Variants in MAP4K1 observed in about 807,000 individuals in gnomAD.
The protein encoded by MAP4K1 is mitogen-activated protein kinase kinase kinase kinase 1.
In MAP4K1, 35 loss-of-function variants were observed where a neutral mutation model predicts 122.8. The observed-to-expected ratio is 0.29, with a 90% CI of 0.22 to 0.38. The LOEUF (loss-of-function observed/expected upper bound fraction) is 0.38, where lower values mean the gene tolerates loss of function less well. Ranked by LOEUF, MAP4K1 falls within the 10% of genes least tolerant of loss-of-function variation. The pLI is 1.00. For synonymous variants in MAP4K1, 412 were observed against 421.3 expected (o/e 0.98, Z 0.27); for missense variants, 791 against 1,072.6 (o/e 0.74, Z 3.67).
intron 20 of MAP4K1, among the ~76,000 whole-genome samples, chr19:38,600,952 C>T (rs909128545): frequency 6.6e-6 from 1 of 151,898 alleles, no homozygotes; most frequent in African/African-American, 2.4e-5. Context: ...ATTATAGGCA[C>T]GTGCTACCAC....
chr19:38,598,495 A>AT (rs934973864), intron 22 of MAP4K1, among the ~76,000 whole-genome samples: 6 of 151,290 alleles, frequency 4.0e-5, no homozygotes, highest in African/African-American at 9.7e-5. Flanking sequence ...CACCCAGCTA[A>AT]TTTTTTTTTA....
At position 38,603,063 on chromosome 19, in the gene MAP4K1, TACAC is replaced by T. The variant is rs1378580499; in HGVS notation, c.1447-1542_1447-1539del. Among the ~76,000 whole-genome samples the T allele has an allele frequency of 8.2e-3, 1,022 of 124,838 alleles. 112 individuals carry two copies. The highest frequency in any genetic ancestry group is 0.024 in the South Asian group (81 of 3,348). 81.9% of individuals were successfully genotyped at this position (124,838 alleles called of 152,430 possible). ...ATGTACATATATACGCATATACATA[TACAC>T]ATATACATATATACACATGTACATA... On this transcript the variant is annotated intron_variant, in intron 19 of 30. Coordinates refer to ENST00000396857, the MANE Select transcript of MAP4K1 (RefSeq NM_001042600.3).
chr19:38,611,238 C>T lies in MAP4K1; in HGVS notation c.728+5G>A, dbSNP rs369340539. ...CTCACCCTCCCTCCTGTTACTCTCT[C>T]GTACCATTTGCCTTTTTCCTTCAGT... On this transcript the variant is annotated splice_donor_5th_base_variant and intron_variant, in intron 10 of 30. Coordinates refer to ENST00000396857, the MANE Select transcript of MAP4K1 (RefSeq NM_001042600.3). 31 of 1,612,778 alleles carry T rather than the reference C, an allele frequency of 1.9e-5. No homozygotes were observed. Among genetic ancestry groups the T allele is most frequent in the South Asian group, 2.2e-5 (2 of 91,016 alleles).
chr19:38,594,977 CTATCT>C (rs1373330216), intron 29 of MAP4K1, among the ~76,000 whole-genome samples: 1 of 150,990 alleles, frequency 6.6e-6, no homozygotes, highest in African/African-American at 2.4e-5. Flanking sequence ...ATCTATCTAT[CTATCT>C]ATCTATCTAT....
rs768893942 is a variant in MAP4K1, at chr19:38,596,418, C to T, written c.2010G>A (p.Leu670=). 7 of 1,593,214 alleles carry T rather than the reference C, an allele frequency of 4.4e-6. No individual in the cohort carries two copies. The South Asian group carries it at 7.9e-5, about 18-fold the overall frequency. ...FALLTGPGSE[L]PAVCIGVSPG... Reference sequence around the variant, plus strand: ...GGCTCACGCCGATGCACACAGCGGGCAGCTCAGAGCCTGGCCCGGTCAGCA... The same window carrying T: ...GGCTCACGCCGATGCACACAGCGGGTAGCTCAGAGCCTGGCCCGGTCAGCA... The change falls in exon 26 of 31, where the codon CTG becomes CTA. Residue 670 remains leucine, a synonymous_variant. Coordinates refer to ENST00000396857, the MANE Select transcript of MAP4K1 (RefSeq NM_001042600.3).
chr19:38,607,613 G>A (rs1182276702), intron 16 of MAP4K1, among the ~76,000 whole-genome samples: 1 of 151,228 alleles, frequency 6.6e-6, no homozygotes, highest in Non-Finnish European at 1.5e-5. Context: ...GAAAGTGGGA[G>A]CTGGAGCTGG....
At chr19:38,592,766 T>C (rs1201908663) in intron 30 of MAP4K1, among the ~76,000 whole-genome samples, 1 of 149,040 alleles carries the variant, frequency 6.7e-6, no homozygotes, top group Admixed American at 6.8e-5. Flanking sequence ...AAAAATATAG[T>C]ATTAGCCGGG....
chr19:38,614,013 C>A, intron 7 of MAP4K1, 30 bp downstream of exon 7: 15 of 1,506,866 alleles, frequency 1.0e-5, no homozygotes, highest in Non-Finnish European at 1.4e-5. Flanking sequence ...CCCCAGTCAG[C>A]CCCCCTGCTC....
At chr19:38,607,780 G>T in intron 16 of MAP4K1, 84 bp downstream of exon 16, 1 of 1,450,758 alleles carries the variant, frequency 6.9e-7, no homozygotes, top group Non-Finnish European at 9.5e-7. Context: ...GGGGTCAGGA[G>T]TGGAGGAAAG....
intron 20 of MAP4K1, 48 bp from the exon 21 acceptor site, chr19:38,600,201 C>A: frequency 1.3e-6 from 2 of 1,513,072 alleles, no homozygotes. Flanking sequence ...CCTCAGGGAC[C>A]TCCCAGATCC....
At chr19:38,605,018 C>T (rs1371834319) in intron 19 of MAP4K1, among the ~76,000 whole-genome samples, 3 of 147,902 alleles carry the variant, frequency 2.0e-5, no homozygotes, top group Non-Finnish European at 4.5e-5. Flanking sequence ...ACTAGGGAGG[C>T]GGAGGTTGTA....
chr19:38,614,737 A>C, intron 4 of MAP4K1: 2 of 442,048 alleles, frequency 4.5e-6, no homozygotes, highest in Non-Finnish European at 4.2e-6. Flanking sequence ...CCTGGCCAAC[A>C]TGGTGAAACC....
intron 25 of MAP4K1, 59 bp downstream of exon 25, chr19:38,596,975 G>A (rs1054486722): frequency 6.7e-7 from 1 of 1,489,586 alleles, no homozygotes; most frequent in South Asian, 1.1e-5. Flanking sequence ...AAGCGCAAAG[G>A]GTGCAAGGCC....
chr19:38,616,249 G>T lies in MAP4K1; in HGVS notation c.259C>A (p.Leu87Ile). The T allele has an allele frequency of 6.2e-7, 1 of 1,613,332 alleles. No homozygotes were observed. Among genetic ancestry groups the T allele is most frequent in the Non-Finnish European group, 8.5e-7 (1 of 1,179,738 alleles). ...CCACAGAATTCCATGCAGATCCAGAGTTTCTGCAACCTGCAGTGGTTCAAG... is the reference window on the plus strand; with the variant it reads ...CCACAGAATTCCATGCAGATCCAGATTTTCTGCAACCTGCAGTGGTTCAAG... ...YHGSYLWLQK[L>I]WICMEFCGAG... The change falls in exon 4 of 31, where the codon CTC becomes ATC. Residue 87 changes from leucine (L) to isoleucine (I), a missense_variant. Physicochemically the swap from Leu to Ile is conservative, Grantham distance 5. Around this residue, in one of 4 missense-constraint regions of MAP4K1, gnomAD observed 163 missense variants for 286.1 expected, o/e 0.57. Coordinates refer to ENST00000396857, the MANE Select transcript of MAP4K1 (RefSeq NM_001042600.3).
rs1462381868 is a variant in MAP4K1 at position 38,597,935 on chromosome 19, A to G, written c.1670-341T>C. 3.3e-5 allele frequency among the ~76,000 whole-genome samples: 5 copies of G among 152,184 alleles called. No individual in the cohort carries two copies. Among genetic ancestry groups the G allele is most frequent in the Non-Finnish European group, 7.3e-5 (5 of 68,040 alleles). On this transcript the variant is annotated intron_variant, in intron 22 of 30. Coordinates refer to ENST00000396857, the MANE Select transcript of MAP4K1 (RefSeq NM_001042600.3). This position sits in a 1 kb window ranked among gnomAD's most constrained non-coding sequence, Gnocchi z 4.6. ...GTTTTAGAAGAAACACATCTAGAAA[A>G]TCTTCTAGTTTGTCATCACAGATGT...
chr19:38,604,139 A>G (rs906347468), intron 19 of MAP4K1, among the ~76,000 whole-genome samples: 10 of 133,902 alleles, frequency 7.5e-5, no homozygotes, highest in African/African-American at 2.8e-4. Flanking sequence ...AAAAAAAAAA[A>G]AAAAAAAAAA....
At position 38,595,571 on chromosome 19, in the gene MAP4K1, T is replaced by C. The variant is rs1384705765; in HGVS notation, c.2270-16A>G. On this transcript the variant is annotated splice_polypyrimidine_tract_variant and intron_variant, in intron 28 of 30. Coordinates refer to ENST00000396857, the MANE Select transcript of MAP4K1 (RefSeq NM_001042600.3). ...CCAACCATAGCTGGGGAGAAAGCAA[T>C]GCCCGTTACCCTTGGGGATCACTTG... 1 of 1,614,040 alleles carries C rather than the reference T, an allele frequency of 6.2e-7. No homozygotes were observed.
chr19:38,610,620 A>G (rs1291783970), intron 11 of MAP4K1, among the ~76,000 whole-genome samples: 1 of 152,050 alleles, frequency 6.6e-6, no homozygotes, highest in Non-Finnish European at 1.5e-5. Context: ...TCCTGACCTC[A>G]AGTGATCCAT....
chr19:38,605,473 G>T lies in MAP4K1; in HGVS notation c.1382C>A (p.Pro461Gln). Residue 461 changes from proline to glutamine, a missense_variant, in exon 19 of 31, where the codon CCA (proline) becomes CAA (glutamine). Coordinates refer to ENST00000396857, the MANE Select transcript of MAP4K1 (RefSeq NM_001042600.3). ...GGGCTTGTCAAGCTCCCGGGAGGGT[G>T]GGTTCCAGAGTGAGGGTTCTGAGAG... ...TAHSEPSLWN[P>Q]PSRELDKPPL... 1 of 1,593,704 alleles carries T rather than the reference G, an allele frequency of 6.3e-7. No homozygotes were observed. Among genetic ancestry groups the T allele is most frequent in the East Asian group, 2.3e-5 (1 of 44,400 alleles).
Sources: allele counts gnomAD v4.1 joint callset (sites outside exome capture counted in the v4.1 genomes callset), GRCh38; gene constraint gnomAD v4.1.1; regional missense constraint gnomAD v4.1.1; non-coding constraint Gnocchi (gnomAD v3.1); transcripts MANE v1.5; gene names NCBI Gene and HGNC (gene_info 2026-07-23, HGNC 2026-07-21).